MSH3: variants seen among roughly 807,000 people sequenced by gnomAD.
The protein encoded by MSH3 is DNA mismatch repair protein Msh3.
MSH3 carries 106 observed loss-of-function variants against 123.3 expected under a neutral mutation model. The observed-to-expected ratio is 0.86, with a 90% confidence interval of 0.73 to 1.01. The LOEUF is 1.01. MSH3 is among the 50% of genes least tolerant of loss of function. The pLI is 0.00. For synonymous variants in MSH3, 515 were observed against 481.4 expected (o/e 1.07, Z -0.91); for missense variants, 1,459 against 1,347.6 (o/e 1.08, Z -1.29).
chr5:80,746,362 G>A lies in MSH3; in HGVS notation c.1763+1747G>A, dbSNP rs115762029. ...TCACTTCTGTTCACACCGCTGGTTC[G>A]CTTGGCATACCTGGGTTTCCTCTTC... is the stretch of plus-strand genomic sequence containing the variant. On this transcript the variant is annotated intron_variant, in intron 12 of 23. Transcript: ENST00000265081. The A allele has an allele frequency of 3.2e-3, 1,254 of 391,726 alleles. 20 individuals are homozygous for A. The highest frequency in any genetic ancestry group is 0.023 in the African/African-American group (1,092 of 47,756). The allele number at this position is 391,726 out of a possible 1,614,324, so 24.3% of individuals were successfully genotyped here. A position where few individuals can be genotyped will look rare whatever the true frequency, so the allele number is the denominator to read the frequency against.
At chr5:80,717,682 T>C (rs1365958356) in intron 8 of MSH3, among the ~76,000 whole-genome samples, 1 of 152,268 alleles carries the variant, frequency 6.6e-6, no homozygotes, top group Non-Finnish European at 1.5e-5. Context: ...TTTTTGTCTT[T>C]GTGACAATAG....
intron 10 of MSH3, among the ~76,000 whole-genome samples, chr5:80,733,512 A>C (rs1219571972): frequency 6.6e-6 from 1 of 152,162 alleles, no homozygotes; most frequent in African/African-American, 2.4e-5. Context: ...TTCTTCAAAG[A>C]ACACCATCAA....
intron 13 of MSH3, among the ~76,000 whole-genome samples, chr5:80,765,679 C>G (rs1744109770): frequency 6.6e-6 from 1 of 152,158 alleles, no homozygotes; most frequent in Non-Finnish European, 1.5e-5. Flanking sequence ...CTAACTTGAT[C>G]CAGTCTGGAC....
In MSH3 at chr5:80,854,268, T is replaced by C. The variant is rs977539924; in HGVS notation, c.2952T>C (p.His984=). ...AACTAGGAAGAGGGACGAGCACTCA[T>C]GATGGAATTGCCATTGCCTATGCTA... The part of the protein sequence containing the change: ...LDELGRGTST[H]DGIAIAYATL... The change falls in exon 21 of 24, where the codon CAT becomes CAC. Residue 984 remains histidine (H), a synonymous_variant. Transcript: ENST00000265081. 3 of 1,613,994 alleles carry C rather than the reference T, an allele frequency of 1.9e-6. No homozygotes were observed. Among genetic ancestry groups the C allele is most frequent in the Admixed American group, 1.7e-5 (1 of 60,008 alleles).
At chr5:80,815,440 T>A (rs1745083541) in intron 20 of MSH3, among the ~76,000 whole-genome samples, 1 of 152,104 alleles carries the variant, frequency 6.6e-6, no homozygotes, top group Non-Finnish European at 1.5e-5. Context: ...GAAGGAAATC[T>A]TGTTACTGAG....
chr5:80,736,198 C>T (rs1040404847), intron 10 of MSH3, among the ~76,000 whole-genome samples: 1 of 151,986 alleles, frequency 6.6e-6, no homozygotes, highest in Admixed American at 6.6e-5. Flanking sequence ...TGCACTCCAA[C>T]CTGGGTGACT....
Position 80,854,222 on chromosome 5 carries a change from A to G in MSH3, c.2906A>G (p.Gln969Arg). The G allele has an allele frequency of 2.5e-6, 4 of 1,613,960 alleles. No individual in the cohort carries two copies. In the East Asian group the frequency reaches 8.9e-5, roughly 36 times the overall value. Reference protein sequence around the residue: ...TAEIIRKATSQSLVILDELGR... With the variant: ...TAEIIRKATSRSLVILDELGR... ...GAAATAATCAGAAAAGCAACATCAC[A>G]GTCCTTGGTTATCTTGGATGAACTA... The change falls in exon 21 of 24, where the codon CAG becomes CGG. Residue 969 changes from glutamine (Q) to arginine (R), a missense_variant. Transcript: ENST00000265081.
At chr5:80,845,485 C>G (rs957715032) in intron 20 of MSH3, among the ~76,000 whole-genome samples, 2 of 152,168 alleles carry the variant, frequency 1.3e-5, no homozygotes, top group Non-Finnish European at 2.9e-5. Context: ...AGATAATATC[C>G]TGAAGAGTGT....
chr5:80,869,833 CATATATAT>C (rs200397657), intron 22 of MSH3, among the ~76,000 whole-genome samples: 7 of 69,826 alleles, frequency 1.0e-4, no homozygotes, highest in Non-Finnish European at 1.7e-4. Flanking sequence ...TACATATATA[CATATATAT>C]ACACACACAC....
At chr5:80,661,442 G>A (rs1749433043) in intron 2 of MSH3, among the ~76,000 whole-genome samples, 1 of 151,868 alleles carries the variant, frequency 6.6e-6, no homozygotes, top group African/African-American at 2.4e-5. Flanking sequence ...TGTAAATCTC[G>A]TTTAATAAAA....
chr5:80,704,345 T>C (rs1390009592), intron 8 of MSH3, among the ~76,000 whole-genome samples: 1 of 152,104 alleles, frequency 6.6e-6, no homozygotes, highest in Non-Finnish European at 1.5e-5. Flanking sequence ...TGGAATTCAG[T>C]CTTCACCTCC....
chr5:80,823,045 A>T (rs1017588870), intron 20 of MSH3, among the ~76,000 whole-genome samples: 2 of 152,184 alleles, frequency 1.3e-5, no homozygotes, highest in Non-Finnish European at 2.9e-5. Context: ...GGGTAGTGTT[A>T]TGTGGAAAGA....
intron 15 of MSH3, among the ~76,000 whole-genome samples, chr5:80,772,196 G>T (rs891934853): frequency 3.3e-5 from 5 of 151,954 alleles, no homozygotes; most frequent in Non-Finnish European, 7.4e-5. Context: ...GAAAAATATT[G>T]GAAAAAATCT....
chr5:80,712,923 C>G (rs190221624), intron 8 of MSH3, among the ~76,000 whole-genome samples: 2 of 152,086 alleles, frequency 1.3e-5, no homozygotes, highest in African/African-American at 4.8e-5. Flanking sequence ...ATATTAAAGC[C>G]AGGTTACCTT....
intron 19 of MSH3, among the ~76,000 whole-genome samples, chr5:80,809,077 G>T (rs1744957532): frequency 6.6e-6 from 1 of 151,436 alleles, no homozygotes; most frequent in Non-Finnish European, 1.5e-5. Context: ...TCATGTGGCT[G>T]CTTTGGGCAT....
intron 10 of MSH3, among the ~76,000 whole-genome samples, chr5:80,734,145 G>A (rs1199555532): frequency 6.6e-6 from 1 of 152,186 alleles, no homozygotes; most frequent in Non-Finnish European, 1.5e-5. Flanking sequence ...ACAGATACAT[G>A]TTGCAACATG....
chr5:80,860,531 T>G (rs2112113712), intron 21 of MSH3, among the ~76,000 whole-genome samples: 1 of 152,094 alleles, frequency 6.6e-6, no homozygotes, highest in African/African-American at 2.4e-5. Flanking sequence ...AGATGTAATT[T>G]TTATCTTTGA....
At chr5:80,695,702 A>G (rs755315626) in intron 8 of MSH3, among the ~76,000 whole-genome samples, 4 of 151,556 alleles carry the variant, frequency 2.6e-5, no homozygotes, top group Non-Finnish European at 4.4e-5. Context: ...CTATTTTTCC[A>G]TTTGTTTCAA....
At position 80,791,784 on chromosome 5, in the gene MSH3, A is replaced by G. The variant is rs545866829; in HGVS notation, c.2544-949A>G. 4.6e-5 allele frequency among the ~76,000 whole-genome samples: 7 copies of G among 152,336 alleles called. No homozygotes were observed. In the South Asian group the frequency reaches 1.4e-3, roughly 32 times the overall value. On this transcript the variant is annotated intron_variant, in intron 18 of 23. Coordinates refer to ENST00000265081, the MANE Select transcript of MSH3 (RefSeq NM_002439.5). ...TGATAGATTACAGTATGACTTTTCC[A>G]AAGAAATCACAACGAGTGTGATGCA...
Sources: allele counts gnomAD v4.1 joint callset (sites outside exome capture counted in the v4.1 genomes callset), GRCh38; gene constraint gnomAD v4.1.1; transcripts MANE v1.5; gene names NCBI Gene and HGNC (gene_info 2026-07-23, HGNC 2026-07-21).